Variants in CSNK1A1 observed in about 807,000 individuals in gnomAD.
The protein encoded by CSNK1A1 is casein kinase I isoform alpha.
Under a neutral mutation model 46.1 loss-of-function variants are expected in CSNK1A1, and 7 were observed. The ratio of observed to expected loss-of-function variants is 0.15; its 90% CI spans 0.09 to 0.29. The LOEUF (loss-of-function observed/expected upper bound fraction) is 0.29, where lower values mean the gene tolerates loss of function less well. Ranked by LOEUF, CSNK1A1 falls within the 10% of genes least tolerant of loss-of-function variation. The pLI, the probability that CSNK1A1 is intolerant of heterozygous loss-of-function variation, is 1.00. For missense variants in CSNK1A1, 96 were observed against 417.1 expected (o/e 0.23, Z 6.71); for synonymous variants, 137 against 141.5 (o/e 0.97, Z 0.23).
intron 6 of CSNK1A1, 24 bp downstream of exon 6, chr5:149,511,770 T>C (rs370832320): frequency 2.9e-4 from 435 of 1,495,150 alleles, no homozygotes; most frequent in Middle Eastern, 6.9e-4. Context: ...GAGAGAAAAA[T>C]CTGATAATGT....
intron 7 of CSNK1A1, among the ~76,000 whole-genome samples, chr5:149,509,545 C>A (rs1374175925): frequency 6.6e-6 from 1 of 152,188 alleles, no homozygotes; most frequent in African/African-American, 2.4e-5. Flanking sequence ...GGACCACAGA[C>A]GTGTATCACT....
intron 8 of CSNK1A1, 110 bp from the exon 9 acceptor site, chr5:149,505,705 C>T: frequency 1.2e-6 from 1 of 869,048 alleles, no homozygotes; most frequent in South Asian, 1.8e-5. Context: ...CGAATATTTC[C>T]TCAAGTGTGG....
At chr5:149,516,449 C>G (rs1761405978) in intron 4 of CSNK1A1, among the ~76,000 whole-genome samples, 1 of 151,730 alleles carries the variant, frequency 6.6e-6, no homozygotes, top group African/African-American at 2.4e-5. Context: ...TGTGGCTAAT[C>G]TTAGTGTTTA....
intron 9 of CSNK1A1, chr5:149,502,008 T>C: frequency 6.2e-6 from 6 of 965,434 alleles, no homozygotes; most frequent in Non-Finnish European, 7.4e-6. Flanking sequence ...AGTCTTTTGA[T>C]GGATATTGGA....
chr5:149,510,121 C>T (rs1402195340), intron 6 of CSNK1A1, among the ~76,000 whole-genome samples, 168 bp from the exon 7 acceptor site: 1 of 152,178 alleles, frequency 6.6e-6, no homozygotes, highest in Non-Finnish European at 1.5e-5. Flanking sequence ...TTTTCCCAAA[C>T]TGTTAACTTC....
intron 2 of CSNK1A1, among the ~76,000 whole-genome samples, chr5:149,547,530 A>C (rs1762519386): frequency 6.6e-6 from 1 of 152,222 alleles, no homozygotes; most frequent in South Asian, 2.1e-4. Context: ...ACATAGATGA[A>C]TCTCAAAAAC....
intron 9 of CSNK1A1, chr5:149,503,694 T>C (rs1404462897): frequency 2.0e-6 from 2 of 985,466 alleles, no homozygotes; most frequent in African/African-American, 1.7e-5. Flanking sequence ...CAACTTCTCA[T>C]CTTTAAGACA....
intron 4 of CSNK1A1, among the ~76,000 whole-genome samples, chr5:149,516,354 A>C (rs1053373956): frequency 6.8e-6 from 1 of 147,666 alleles, no homozygotes; most frequent in Non-Finnish European, 1.5e-5. Flanking sequence ...CCCAAAAAAA[A>C]CAAAAAATAA....
chr5:149,504,071 T>C (rs6886243), intron 9 of CSNK1A1: 261,325 of 985,142 alleles, frequency 0.27, 36,196 homozygotes, highest in East Asian at 0.63. Flanking sequence ...CTTGGCACTA[T>C]GATTAGTTAT....
At chr5:149,534,577 C>T (rs1399273175) in intron 2 of CSNK1A1, among the ~76,000 whole-genome samples, 2 of 150,534 alleles carry the variant, frequency 1.3e-5, no homozygotes, top group African/African-American at 4.9e-5. Flanking sequence ...GTATTAGCTT[C>T]TTAAATATTC....
intron 4 of CSNK1A1, among the ~76,000 whole-genome samples, chr5:149,514,636 C>T (rs1761343416): frequency 6.6e-6 from 1 of 152,136 alleles, no homozygotes; most frequent in Non-Finnish European, 1.5e-5. Context: ...ACCTAACCTG[C>T]AGATTTCATG....
Position 149,541,970 on chromosome 5 carries a change from C to CAAA in CSNK1A1, c.230+8102_230+8104dup, listed in dbSNP as rs1171466150. Among the ~76,000 whole-genome samples, 889 of 39,790 alleles carry CAAA rather than the reference C, an allele frequency of 0.022. 93 individuals carry two copies. The East Asian group carries it at 0.3, about 13-fold the overall frequency. 26.1% of individuals were successfully genotyped at this position (39,790 alleles called of 152,430 possible). ...TGGGCAACAGAGAAAGACTGCATCT[C>CAAA]AAAAAAAAAAAAAAAAAAAAAAAAA... On this transcript the variant is annotated intron_variant, in intron 2 of 9. Transcript: ENST00000377843.
chr5:149,550,445 G>T lies in CSNK1A1; in HGVS notation c.124-264C>A, dbSNP rs967085957. 1.4e-5 allele frequency: 14 copies of T among 969,238 alleles called. No homozygotes were observed. Among genetic ancestry groups the T allele is most frequent in the African/African-American group, 1.4e-4 (8 of 58,984 alleles). The allele number at this position is 969,238 out of a possible 1,614,324, so 60.0% of individuals were successfully genotyped here. A position where few individuals can be genotyped will look rare whatever the true frequency, so the allele number is the denominator to read the frequency against. ...GAGGCAACCTCTGAACGTAGTGAGA[G>T]GTTTTTAAGGAACTAGGCGATCGGA... On this transcript the variant is annotated intron_variant, in intron 1 of 9. Coordinates refer to ENST00000377843, the MANE Select transcript of CSNK1A1 (RefSeq NM_001892.6). The surrounding 1 kb of genome is among the most constrained non-coding windows in gnomAD (Gnocchi z 4.3).
At chr5:149,503,910 C>A in intron 9 of CSNK1A1, 1 of 985,368 alleles carries the variant, frequency 1.0e-6, no homozygotes, top group Non-Finnish European at 1.2e-6. Flanking sequence ...AGCTAGCTTT[C>A]GGCAAAATTG....
At chr5:149,531,727 C>G (rs548738144) in intron 2 of CSNK1A1, among the ~76,000 whole-genome samples, 4 of 149,750 alleles carry the variant, frequency 2.7e-5, no homozygotes, top group Non-Finnish European at 4.4e-5. Flanking sequence ...AAAAATTAGC[C>G]GCACATGGTG....
chr5:149,551,091 T>G lies in CSNK1A1; in HGVS notation c.-127A>C, dbSNP rs547316404. ...GGCAGGAAACGGAACACGGAGGCCT[T>G]TACCGGGGTTCGGGGCCCAGAATCA... is the stretch of plus-strand genomic sequence containing the variant. On this transcript the variant is annotated 5_prime_UTR_variant, in exon 1 of 10. Transcript: ENST00000377843. 2.9e-6 allele frequency: 3 copies of G among 1,035,292 alleles called. No individual in the cohort carries two copies. The South Asian group carries it at 4.5e-5, about 15-fold the overall frequency. 64.1% of individuals were successfully genotyped at this position (1,035,292 alleles called of 1,614,324 possible).
intron 8 of CSNK1A1, 70 bp from the exon 9 acceptor site, chr5:149,505,665 T>C (rs1760998435): frequency 7.7e-7 from 1 of 1,297,260 alleles, no homozygotes; most frequent in Non-Finnish European, 1.1e-6. Context: ...TACTAACTTT[T>C]TAAGACAGTG....
intron 8 of CSNK1A1, among the ~76,000 whole-genome samples, chr5:149,506,416 T>C (rs560570009): frequency 6.6e-6 from 1 of 151,904 alleles, no homozygotes; most frequent in Non-Finnish European, 1.5e-5. Context: ...TTTGTATTTT[T>C]AGTAAAGATG....
At chr5:149,546,244 G>A (rs922605022) in intron 2 of CSNK1A1, among the ~76,000 whole-genome samples, 9 of 151,936 alleles carry the variant, frequency 5.9e-5, no homozygotes, top group African/African-American at 2.2e-4. Flanking sequence ...CTTAACAATA[G>A]GTCTCTCAAA....
Sources: allele counts gnomAD v4.1 joint callset (sites outside exome capture counted in the v4.1 genomes callset), GRCh38; gene constraint gnomAD v4.1.1; non-coding constraint Gnocchi (gnomAD v3.1); transcripts MANE v1.5; gene names NCBI Gene and HGNC (gene_info 2026-07-23, HGNC 2026-07-21).